AGO3: variants seen among roughly 807,000 people sequenced by gnomAD.
AGO3 encodes the protein argonaute RISC catalytic component 3.
A neutral mutation model predicts 105.5 loss-of-function variants in AGO3; 16 were observed. The observed-to-expected ratio is 0.15, with a 90% CI of 0.10 to 0.23. The LOEUF is 0.23. Ranked by LOEUF, AGO3 falls within the 10% of genes least tolerant of loss-of-function variation. The pLI is 1.00. For missense variants in AGO3, 534 were observed against 1,088.0 expected (o/e 0.49, Z 7.16); for synonymous variants, 340 against 367.3 (o/e 0.93, Z 0.85).
chr1:35,979,173 G>C (rs1569586207), intron 5 of AGO3, among the ~76,000 whole-genome samples: 1 of 152,202 alleles, frequency 6.6e-6, no homozygotes, highest in African/African-American at 2.4e-5. Context: ...GACCATCCTG[G>C]CTAACACGGT....
chr1:35,999,640 T>C (rs577724683), intron 5 of AGO3, among the ~76,000 whole-genome samples: 6 of 152,324 alleles, frequency 3.9e-5, no homozygotes, highest in South Asian at 2.1e-4. Flanking sequence ...TCATAAGTGG[T>C]ATATGTTTAA....
intron 2 of AGO3, among the ~76,000 whole-genome samples, chr1:35,948,173 A>C (rs1241914312): frequency 2.0e-5 from 3 of 152,244 alleles, no homozygotes; most frequent in South Asian, 4.1e-4. Flanking sequence ...ATGAGTTACA[A>C]GGAAATGATA....
At chr1:35,977,264 A>T (rs1459811814) in intron 5 of AGO3, among the ~76,000 whole-genome samples, 1 of 144,592 alleles carries the variant, frequency 6.9e-6, no homozygotes, top group Non-Finnish European at 1.5e-5. Flanking sequence ...TTTTTTAATT[A>T]AAAAAAAAAG....
At chr1:36,005,744 A>T in intron 6 of AGO3, 2 of 985,404 alleles carry the variant, frequency 2.0e-6, no homozygotes, top group East Asian at 1.1e-4. Flanking sequence ...CAGAACAAGG[A>T]TTCAACTGCT....
chr1:35,956,134 G>T (rs187558645), intron 2 of AGO3, among the ~76,000 whole-genome samples: 2 of 152,198 alleles, frequency 1.3e-5, no homozygotes, highest in East Asian at 3.9e-4. Context: ...TGGATTATAG[G>T]TAATATGTTC....
At chr1:36,023,058 A>G (rs984873405) in intron 11 of AGO3, among the ~76,000 whole-genome samples, 1 of 152,152 alleles carries the variant, frequency 6.6e-6, no homozygotes, top group African/African-American at 2.4e-5. Context: ...TTTCTTCCTG[A>G]CTCAGTTAAA....
At chr1:36,013,835 C>T (rs1022002671) in intron 10 of AGO3, 80 bp from the exon 11 acceptor site, 2 of 1,600,110 alleles carry the variant, frequency 1.2e-6, no homozygotes, top group Non-Finnish European at 1.7e-6. Flanking sequence ...TATTTCAATT[C>T]AGCGATTTGA....
At chr1:35,979,379 G>T (rs1293984177) in intron 5 of AGO3, among the ~76,000 whole-genome samples, 1 of 151,722 alleles carries the variant, frequency 6.6e-6, no homozygotes, top group Non-Finnish European at 1.5e-5. Context: ...AAAAAAATGT[G>T]GTTTGTATTT....
At chr1:35,988,691 T>C (rs1647337447) in intron 5 of AGO3, among the ~76,000 whole-genome samples, 1 of 152,124 alleles carries the variant, frequency 6.6e-6, no homozygotes, top group South Asian at 2.1e-4. Flanking sequence ...GATGGTCGCT[T>C]AGGTTGTTTC....
intron 3 of AGO3, among the ~76,000 whole-genome samples, chr1:35,967,483 C>T (rs188018758): frequency 1.3e-5 from 2 of 150,624 alleles, no homozygotes; most frequent in Non-Finnish European, 3.0e-5. Context: ...AGTGTGATCT[C>T]GGCTCACTGC....
In AGO3 at chr1:36,061,039, G is replaced by C. The variant is rs1012504924; in HGVS notation, c.*5294G>C. ...AAGAGTAGGTAAGTCAGTCAGCACA[G>C]AAATCAGAAAGTGAGAATTTTCTCC... On this transcript the variant is annotated 3_prime_UTR_variant, in exon 19 of 19. Coordinates refer to ENST00000373191, the MANE Select transcript of AGO3 (RefSeq NM_024852.4). 6.6e-6 allele frequency: 1 copy of C among 152,112 alleles called. No individual in the cohort carries two copies. Among genetic ancestry groups the C allele is most frequent in the Non-Finnish European group, 1.5e-5 (1 of 68,016 alleles). 9.4% of individuals were successfully genotyped at this position (152,112 alleles called of 1,614,324 possible). A position where few individuals can be genotyped will look rare whatever the true frequency, so the allele number is the denominator to read the frequency against.
intron 17 of AGO3, among the ~76,000 whole-genome samples, chr1:36,043,894 C>G (rs1642353585): frequency 1.3e-5 from 2 of 152,024 alleles, no homozygotes; most frequent in Admixed American, 1.3e-4. Context: ...AAAGAGAAAG[C>G]ACTATTTTGC....
At chr1:36,045,501 C>G (rs1256278726) in intron 17 of AGO3, among the ~76,000 whole-genome samples, 1 of 151,824 alleles carries the variant, frequency 6.6e-6, no homozygotes, top group Non-Finnish European at 1.5e-5. Context: ...GGATTACAGA[C>G]ATGAGCCACC....
At chr1:35,932,556 AT>A (rs201169266) in intron 1 of AGO3, among the ~76,000 whole-genome samples, 22,149 of 142,946 alleles carry the variant, frequency 0.15, 2,689 homozygotes, top group African/African-American at 0.35. Context: ...AGAGTTACAA[AT>A]TTTTTTTTTT....
intron 17 of AGO3, 79 bp downstream of exon 17, chr1:36,043,627 G>A: frequency 1.6e-6 from 2 of 1,219,016 alleles, no homozygotes; most frequent in East Asian, 2.5e-5. Context: ...TCAGAAAAAG[G>A]ATAAAGAAAT....
At chr1:35,993,096 A>T (rs1023702510) in intron 5 of AGO3, among the ~76,000 whole-genome samples, 8 of 152,184 alleles carry the variant, frequency 5.3e-5, no homozygotes, top group Non-Finnish European at 1.2e-4. Flanking sequence ...TATTTTTATA[A>T]TACCCTATTG....
chr1:35,947,089 A>G (rs1646379502), intron 2 of AGO3, among the ~76,000 whole-genome samples: 1 of 152,088 alleles, frequency 6.6e-6, no homozygotes, highest in Non-Finnish European at 1.5e-5. Flanking sequence ...TAAAAATAAC[A>G]TACATATAAT....
In AGO3 at chr1:36,059,552, A is replaced by C. The variant is rs1327676098; in HGVS notation, c.*3807A>C. On this transcript the variant is annotated 3_prime_UTR_variant, in exon 19 of 19. Transcript: ENST00000373191. ...ACTGACTGTAAAATATCAGTCTGGC[A>C]ACTAGATAATTGATTTTCATATGAA... 1.3e-5 allele frequency: 2 copies of C among 150,722 alleles called. No homozygotes were observed. Among genetic ancestry groups the C allele is most frequent in the African/African-American group, 4.9e-5 (2 of 40,958 alleles). 9.3% of individuals were successfully genotyped at this position (150,722 alleles called of 1,614,324 possible).
At chr1:35,976,734 C>A (rs1373122559) in intron 5 of AGO3, among the ~76,000 whole-genome samples, 1 of 152,088 alleles carries the variant, frequency 6.6e-6, no homozygotes, top group African/African-American at 2.4e-5. Flanking sequence ...TTGAACCAAA[C>A]CAGGACTCCT....
Sources: allele counts gnomAD v4.1 joint callset (sites outside exome capture counted in the v4.1 genomes callset), GRCh38; gene constraint gnomAD v4.1.1; transcripts MANE v1.5; gene names NCBI Gene and HGNC (gene_info 2026-07-23, HGNC 2026-07-21).